Variants in SLC44A5 observed in about 807,000 individuals in gnomAD.
SLC44A5 encodes the protein choline transporter-like protein 5.
In SLC44A5, 57 loss-of-function variants were observed where a neutral mutation model predicts 101.8. The ratio of observed to expected loss-of-function variants is 0.56; its 90% CI spans 0.45 to 0.70. The LOEUF is 0.70. Ranked by LOEUF, SLC44A5 falls within the 30% of genes least tolerant of loss-of-function variation. SLC44A5 has a pLI of 0.00. For synonymous variants in SLC44A5, 281 were observed against 290.9 expected (o/e 0.97, Z 0.35); for missense variants, 737 against 853.1 (o/e 0.86, Z 1.70).
At chr1:75,676,036 A>C in the SLC44A5 span, among the ~76,000 whole-genome samples, 1 of 152,230 alleles carries the variant, frequency 6.6e-6, no homozygotes, top group African/African-American at 2.4e-5. Context: ...AATTATTAAA[A>C]AGTCAAGAAA....
intron 2 of SLC44A5, among the ~76,000 whole-genome samples, chr1:75,520,453 G>A (rs1188034822): frequency 1.3e-5 from 2 of 152,120 alleles, no homozygotes; most frequent in Non-Finnish European, 2.9e-5. Flanking sequence ...TGCTAATAAT[G>A]GGCTTCCCTA....
intron 1 of SLC44A5, among the ~76,000 whole-genome samples, chr1:75,553,043 G>A (rs549832392): frequency 6.6e-6 from 1 of 152,040 alleles, no homozygotes; most frequent in Non-Finnish European, 1.5e-5. Flanking sequence ...ACTTGAGCTT[G>A]CAGAAAAAGT....
chr1:75,283,268 A>C (rs1203646875), intron 5 of SLC44A5, among the ~76,000 whole-genome samples: 1 of 151,796 alleles, frequency 6.6e-6, no homozygotes. Context: ...GCATTCTTTC[A>C]TGTGTTTGTT....
intron 1 of SLC44A5, among the ~76,000 whole-genome samples, chr1:75,560,181 T>A (rs1672443103): frequency 6.6e-6 from 1 of 152,146 alleles, no homozygotes; most frequent in African/African-American, 2.4e-5. Flanking sequence ...CACTCCTAAG[T>A]ATATACCCAA....
chr1:75,492,913 T>C (rs1221064345), intron 2 of SLC44A5, among the ~76,000 whole-genome samples: 1 of 152,190 alleles, frequency 6.6e-6, no homozygotes, highest in Non-Finnish European at 1.5e-5. Context: ...TGGGCAAATG[T>C]CCAAAGTTGG....
At chr1:75,507,647 T>C (rs929192136) in intron 2 of SLC44A5, among the ~76,000 whole-genome samples, 1 of 152,182 alleles carries the variant, frequency 6.6e-6, no homozygotes, top group South Asian at 2.1e-4. Context: ...TCTGTACCTA[T>C]GGTAGAATTC....
chr1:75,622,915 TA>T, the SLC44A5 span, among the ~76,000 whole-genome samples: 174 of 152,208 alleles, frequency 1.1e-3, 1 homozygote, highest in African/African-American at 4.0e-3. Flanking sequence ...ATCATTTGCA[TA>T]AAAAACAAAT....
chr1:75,686,085 A>C, the SLC44A5 span, among the ~76,000 whole-genome samples: 1 of 152,134 alleles, frequency 6.6e-6, no homozygotes, highest in Admixed American at 6.5e-5. Flanking sequence ...AAACAGCATG[A>C]GGGTAACCAC....
intron 2 of SLC44A5, 88 bp from the exon 3 acceptor site, chr1:75,396,709 T>G (rs1662148376): frequency 9.5e-7 from 1 of 1,055,030 alleles, no homozygotes; most frequent in South Asian, 1.3e-5. Flanking sequence ...TCCTAAAAAA[T>G]CTTAGTCTTT....
chr1:75,647,618 CT>C, the SLC44A5 span, among the ~76,000 whole-genome samples: 1 of 152,190 alleles, frequency 6.6e-6, no homozygotes, highest in Non-Finnish European at 1.5e-5. Context: ...AGAGGCAGAG[CT>C]GCTCAAGGCC....
intron 5 of SLC44A5, among the ~76,000 whole-genome samples, chr1:75,297,468 A>G (rs1279111220): frequency 6.6e-6 from 1 of 152,004 alleles, no homozygotes; most frequent in Non-Finnish European, 1.5e-5. Context: ...TATTTCTCGT[A>G]GGGACAGGAT....
intron 1 of SLC44A5, among the ~76,000 whole-genome samples, chr1:75,586,972 G>C (rs1268334371): frequency 6.6e-6 from 1 of 151,902 alleles, no homozygotes; most frequent in East Asian, 1.9e-4. Context: ...TTATCTCTCA[G>C]CTCTTTTATC....
chr1:75,290,591 C>T (rs1341805708), intron 5 of SLC44A5, among the ~76,000 whole-genome samples: 1 of 152,086 alleles, frequency 6.6e-6, no homozygotes, highest in Non-Finnish European at 1.5e-5. Flanking sequence ...GACCCATCAG[C>T]AAGAGAGTCA....
intron 2 of SLC44A5, among the ~76,000 whole-genome samples, chr1:75,539,455 T>C (rs987165073): frequency 6.6e-6 from 1 of 152,212 alleles, no homozygotes; most frequent in African/African-American, 2.4e-5. Context: ...CCAGCTTTTC[T>C]GTTCCACTCC....
chr1:75,296,652 C>A (rs1653992505), intron 5 of SLC44A5, among the ~76,000 whole-genome samples: 1 of 152,046 alleles, frequency 6.6e-6, no homozygotes, highest in Non-Finnish European at 1.5e-5. Context: ...GGTGCCCTGC[C>A]CCCCTGCTTC....
intron 4 of SLC44A5, among the ~76,000 whole-genome samples, chr1:75,313,524 G>C (rs1655463280): frequency 6.6e-6 from 1 of 152,122 alleles, no homozygotes. Flanking sequence ...CTGTATTGTT[G>C]GCTTTAGTCC....
chr1:75,523,243 G>A (rs1031929789), intron 2 of SLC44A5, among the ~76,000 whole-genome samples: 13 of 152,162 alleles, frequency 8.5e-5, no homozygotes, highest in Admixed American at 7.2e-4. Flanking sequence ...CAGGTAGCAT[G>A]TGGATATGAC....
intron 2 of SLC44A5, among the ~76,000 whole-genome samples, chr1:75,399,863 C>A (rs1662365285): frequency 6.6e-6 from 1 of 151,934 alleles, no homozygotes; most frequent in African/African-American, 2.4e-5. Flanking sequence ...GATCTTTTTA[C>A]AAAAAAATAC....
chr1:75,563,618 A>G (rs1212520139), intron 1 of SLC44A5, among the ~76,000 whole-genome samples: 2 of 152,180 alleles, frequency 1.3e-5, no homozygotes. Context: ...CAAATAATTT[A>G]GAACATGGTT....
Sources: gnomAD v4.1 joint callset for allele counts (sites outside exome capture counted in the v4.1 genomes callset) on GRCh38, gnomAD v4.1.1 for gene constraint, MANE v1.5 for transcripts, NCBI Gene and HGNC (gene_info 2026-07-23, HGNC 2026-07-21) for gene names.